RFC3: variants seen among roughly 807,000 people sequenced by gnomAD.
RFC3 encodes A1 38 kDa subunit.
RFC3 carries 41 observed loss-of-function variants against 45.1 expected under a neutral mutation model. The observed-to-expected ratio is 0.91, with a 90% CI of 0.71 to 1.18. RFC3 has a LOEUF of 1.18. RFC3 is among the 50% of genes most tolerant of loss of function. RFC3 has a pLI of 0.00. For synonymous variants in RFC3, 149 were observed against 144.0 expected (o/e 1.03, Z -0.25); for missense variants, 423 against 428.1 (o/e 0.99, Z 0.10).
At chr13:33,953,589 A>G (rs1480402092) in intron 8 of RFC3, among the ~76,000 whole-genome samples, 1 of 152,148 alleles carries the variant, frequency 6.6e-6, no homozygotes, top group Admixed American at 6.5e-5. Flanking sequence ...AATGATTGCC[A>G]TTTTACAACT....
intron 8 of RFC3, among the ~76,000 whole-genome samples, chr13:33,880,367 G>C (rs1455932096): frequency 6.6e-6 from 1 of 152,148 alleles, no homozygotes; most frequent in African/African-American, 2.4e-5. Flanking sequence ...GAGAAATAGA[G>C]TACTAAACTT....
chr13:33,964,743 A>G (rs1349989595), intron 8 of RFC3, among the ~76,000 whole-genome samples: 1 of 152,198 alleles, frequency 6.6e-6, no homozygotes, highest in Non-Finnish European at 1.5e-5. Context: ...ACCCCCAAAA[A>G]TATAGGTCTA....
In RFC3 at chr13:33,954,486, G is replaced by A. The variant is rs778072945; in HGVS notation, c.880-11601G>A. Among the ~76,000 whole-genome samples, 5 of 152,320 alleles carry A rather than the reference G, an allele frequency of 3.3e-5. No individual in the cohort carries two copies. In the South Asian group the frequency reaches 1.0e-3, roughly 32 times the overall value. On this transcript the variant is annotated intron_variant, in intron 8 of 8. Coordinates refer to the RFC3 transcript ENST00000434425. The stretch of plus-strand genomic sequence containing the variant: ...TCAGGCCATTATGTGCAAAATTTGA[G>A]GATAGGGCCAACTTATCGCAATCTA...
At chr13:33,896,711 C>CAAAAAAA (rs56129519) in intron 8 of RFC3, among the ~76,000 whole-genome samples, 2 of 42,102 alleles carry the variant, frequency 4.8e-5, no homozygotes, top group African/African-American at 6.6e-5. Context: ...GACTTTGTCT[C>CAAAAAAA]AAAAAAAAAA....
rs138375117 is a variant in RFC3, at chr13:33,882,374, G to A, written c.879+47157G>A. Among the ~76,000 whole-genome samples the A allele has an allele frequency of 2.4e-4, 36 of 152,338 alleles. 1 individual carries two copies. The East Asian group carries it at 6.9e-3, about 29-fold the overall frequency. ...TCAGGACGCATAACTGCTATGGACTGAATGTTTGTGTCCTCCCAAACCCAC... is the reference window on the plus strand; with the variant it reads ...TCAGGACGCATAACTGCTATGGACTAAATGTTTGTGTCCTCCCAAACCCAC... On this transcript the variant is annotated intron_variant, in intron 8 of 8. Coordinates refer to the RFC3 transcript ENST00000434425.
rs777892589 is a variant in RFC3, at chr13:33,836,309, T to C, written c.*14T>C. On this transcript the variant is annotated 3_prime_UTR_variant, in exon 9 of 9. Transcript: ENST00000380071. ...ATGATGTTCTGACTTCTGTCAGTTA[T>C]TCTTGCAAAGATTTCTCAGTATCAG... 1.9e-6 allele frequency: 3 copies of C among 1,610,426 alleles called. No individual in the cohort carries two copies. Among genetic ancestry groups the C allele is most frequent in the East Asian group, 2.2e-5 (1 of 44,808 alleles).
intron 8 of RFC3, among the ~76,000 whole-genome samples, chr13:33,860,550 G>C (rs573325723): frequency 3.0e-4 from 45 of 151,936 alleles, no homozygotes; most frequent in African/African-American, 9.9e-4. Context: ...CTGGCTGCCT[G>C]CTTTGGATGT....
At chr13:33,843,637 CTCATT>C (rs2082216163) in intron 8 of RFC3, among the ~76,000 whole-genome samples, 2 of 152,180 alleles carry the variant, frequency 1.3e-5, no homozygotes, top group African/African-American at 2.4e-5. Context: ...CAGGCATTCT[CTCATT>C]TAATTCTCCT....
chr13:33,864,181 A>G (rs1416720439), intron 8 of RFC3, among the ~76,000 whole-genome samples: 3 of 152,164 alleles, frequency 2.0e-5, no homozygotes, highest in Middle Eastern at 3.2e-3. Context: ...GTGAACTCGT[A>G]GAATGATAAA....
At chr13:33,891,405 A>G (rs2082562414) in intron 8 of RFC3, among the ~76,000 whole-genome samples, 1 of 152,222 alleles carries the variant, frequency 6.6e-6, no homozygotes, top group South Asian at 2.1e-4. Context: ...CACAAGTCAT[A>G]TAACAAGCAG....
chr13:33,889,258 C>T (rs1263325802), intron 8 of RFC3, among the ~76,000 whole-genome samples: 3 of 152,150 alleles, frequency 2.0e-5, no homozygotes, highest in Admixed American at 2.0e-4. Flanking sequence ...TTTTGAGGAA[C>T]ATTTAGAAAT....
intron 8 of RFC3, among the ~76,000 whole-genome samples, chr13:33,929,164 G>A (rs1468985290): frequency 6.6e-6 from 1 of 152,198 alleles, no homozygotes; most frequent in African/African-American, 2.4e-5. Context: ...GGTAAAGGAA[G>A]TCTGACAGAC....
chr13:33,857,292 G>A (rs977827816), intron 8 of RFC3, among the ~76,000 whole-genome samples: 1 of 152,118 alleles, frequency 6.6e-6, no homozygotes, highest in Non-Finnish European at 1.5e-5. Flanking sequence ...CATAATTTTG[G>A]ACAGAAAATA....
rs535426849 is a variant in RFC3, at chr13:33,946,039, G to A, written c.880-20048G>A. The stretch of plus-strand genomic sequence containing the variant: ...CTGGAGCGCTGCTCTGTCGGCCTAG[G>A]AAATGGCTCTGACTCTGGTTCTCTC... On this transcript the variant is annotated intron_variant, in intron 8 of 8. Coordinates refer to the RFC3 transcript ENST00000434425. Among the ~76,000 whole-genome samples the A allele has an allele frequency of 4.6e-5, 7 of 152,264 alleles. No individual in the cohort carries two copies. The South Asian group carries it at 1.5e-3, about 32-fold the overall frequency.
chr13:33,905,801 AAC>A (rs1566023518), intron 8 of RFC3, among the ~76,000 whole-genome samples: 1 of 152,092 alleles, frequency 6.6e-6, no homozygotes, highest in Non-Finnish European at 1.5e-5. Context: ...AAAAAATAAA[AAC>A]AACAACAAAA....
intron 8 of RFC3, among the ~76,000 whole-genome samples, chr13:33,941,575 T>C (rs977256188): frequency 6.6e-6 from 1 of 152,210 alleles, no homozygotes; most frequent in Non-Finnish European, 1.5e-5. Flanking sequence ...ATATATACTT[T>C]TATTGTCTTT....
chr13:33,854,716 C>A (rs1365415313), intron 8 of RFC3, among the ~76,000 whole-genome samples: 1 of 152,038 alleles, frequency 6.6e-6, no homozygotes, highest in Admixed American at 6.6e-5. Context: ...GGCTTAAAAA[C>A]CTAAGATTCT....
chr13:33,881,587 G>A (rs2082484447), intron 8 of RFC3, among the ~76,000 whole-genome samples: 1 of 151,736 alleles, frequency 6.6e-6, no homozygotes, highest in Non-Finnish European at 1.5e-5. Context: ...GTAGGATCCG[G>A]CCAGTTGTCT....
intron 8 of RFC3, among the ~76,000 whole-genome samples, chr13:33,929,730 A>G (rs181102089): frequency 1.2e-4 from 19 of 152,192 alleles, no homozygotes; most frequent in Non-Finnish European, 2.2e-4. Flanking sequence ...ATATATTTTC[A>G]ATTCAATATT....
Sources: allele counts gnomAD v4.1 joint callset (sites outside exome capture counted in the v4.1 genomes callset), GRCh38; gene constraint gnomAD v4.1.1; transcripts MANE v1.5; gene names NCBI Gene and HGNC (gene_info 2026-07-23, HGNC 2026-07-21).